The following BAHCC1 variants were observed in gnomAD, a reference collection of about 807,000 sequenced individuals.
BAHCC1 encodes the protein BAH domain and coiled-coil containing 1.
In BAHCC1, 43 loss-of-function variants were observed where a neutral mutation model predicts 88.2. The observed-to-expected ratio is 0.49, with a 90% CI of 0.38 to 0.63. The LOEUF is 0.63. Among genes scored for constraint, BAHCC1 ranks in the 20% least tolerant of loss-of-function variants. BAHCC1 has a pLI of 0.00. For missense variants in BAHCC1, 3,023 were observed against 1,654.8 expected, an observed-to-expected ratio of 1.83 and a Z score of -14.34; for synonymous variants, 1,510 against 745.5, an observed-to-expected ratio of 2.03 and a Z score of -16.71.
At position 81,400,268 on chromosome 17, in the gene BAHCC1, A is replaced by G. The variant is rs528132111; in HGVS notation, c.178+351A>G. 7.1e-4 allele frequency among the ~76,000 whole-genome samples: 108 copies of G among 152,090 alleles called. 1 individual carries two copies. Among genetic ancestry groups the G allele is most frequent in the African/African-American group, 2.6e-3 (106 of 41,482 alleles). ...TGCATTCTGCATTCACCTCCCTAAG[A>G]CGTTCCGGGGCTGGGACAACGAGGC... On this transcript the variant is annotated intron_variant, in intron 2 of 27. Coordinates refer to ENST00000675386, the MANE Select transcript of BAHCC1 (RefSeq NM_001377448.1).
Position 81,459,476 on chromosome 17 carries a change from C to T in BAHCC1, c.5797-20C>T, listed in dbSNP as rs373541806. On this transcript the variant is annotated intron_variant, in intron 22 of 27. Transcript: ENST00000675386. ...GGCCAGGCCCCACCTGCTCATGGGT[C>T]GTCGCCCGCGTTCCTGCAGGTTCTC... The T allele has an allele frequency of 8.0e-5, 62 of 778,460 alleles. No homozygotes were observed. The highest frequency in any genetic ancestry group is 1.9e-4 in the East Asian group (8 of 41,220). The allele number at this position is 778,460 out of a possible 1,614,324, so 48.2% of individuals were successfully genotyped here. A position where few individuals can be genotyped will look rare whatever the true frequency, so the allele number is the denominator to read the frequency against.
Position 81,458,694 on chromosome 17 carries a change from T to C in BAHCC1, c.5417T>C (p.Leu1806Pro), listed in dbSNP as rs1265098539. 1 of 727,790 alleles carries C rather than the reference T, an allele frequency of 1.4e-6. No homozygotes were observed. The highest frequency in any genetic ancestry group is 1.7e-5 in the African/African-American group (1 of 57,784). The allele number at this position is 727,790 out of a possible 1,614,324, so 45.1% of individuals were successfully genotyped here. ...GCCATCCTGGGGAAGGGCCGGAAGCTGAGCAAGGTGAAGCACAAGGCCGGC... is the reference window on the plus strand; with the variant it reads ...GCCATCCTGGGGAAGGGCCGGAAGCCGAGCAAGGTGAAGCACAAGGCCGGC... ...AKAILGKGRK[L>P]SKVKHKAGKQ... The change falls in exon 19 of 28, where the codon CTG (leucine) becomes CCG (proline). Residue 1806 changes from leucine (L) to proline (P), a missense_variant. Physicochemically the swap from Leu to Pro is moderately conservative, Grantham distance 98. Coordinates refer to ENST00000675386, the MANE Select transcript of BAHCC1 (RefSeq NM_001377448.1).
At chr17:81,409,233 C>T (rs950494467) in intron 2 of BAHCC1, among the ~76,000 whole-genome samples, 3 of 152,184 alleles carry the variant, frequency 2.0e-5, no homozygotes, top group Non-Finnish European at 2.9e-5. Context: ...GTTGTCATGG[C>T]GGCTCCTGAG....
intron 26 of BAHCC1, among the ~76,000 whole-genome samples, chr17:81,462,370 C>T (rs1012815450): frequency 5.3e-5 from 8 of 152,226 alleles, no homozygotes; most frequent in African/African-American, 9.6e-5. Context: ...TGTGTATCCC[C>T]GCACTCAGAT....
rs868950054 is a variant in BAHCC1 at position 81,465,802 on chromosome 17, A to T, written c.*1985A>T. The stretch of plus-strand genomic sequence containing the variant: ...GTTGTGGTCGGGGGTCCCCGCCTCC[A>T]GCCCCCCGCTCCCACCCCCGAGCCT... On this transcript the variant is annotated 3_prime_UTR_variant, in exon 28 of 28. Transcript: ENST00000675386. 3 of 149,602 alleles carry T rather than the reference A, an allele frequency of 2.0e-5. No individual in the cohort carries two copies. In the South Asian group the frequency reaches 6.8e-4, roughly 34 times the overall value. The allele number at this position is 149,602 out of a possible 1,614,324, so 9.3% of individuals were successfully genotyped here.
intron 2 of BAHCC1, among the ~76,000 whole-genome samples, chr17:81,408,937 G>A (rs1169907158): frequency 6.6e-6 from 1 of 152,222 alleles, no homozygotes; most frequent in Non-Finnish European, 1.5e-5. Context: ...CAGTGCATAA[G>A]TGCCCATCCA....
rs1416204223 is a variant in BAHCC1, at chr17:81,438,401, G to T, written c.390G>T (p.Leu130=). ...APGYPRFSGS[L]ASTFLPVSHL... is the part of the protein sequence containing the mutation. ...GGTACCCCAGATTTTCGGGGAGTCT[G>T]GCATCCACCTTCCTACCCGTGAGCC... The change falls in exon 4 of 28, where the codon CTG becomes CTT. Residue 130 remains leucine, a synonymous_variant. Coordinates refer to ENST00000675386, the MANE Select transcript of BAHCC1 (RefSeq NM_001377448.1). 1.3e-6 allele frequency: 1 copy of T among 778,694 alleles called. No homozygotes were observed. The highest frequency in any genetic ancestry group is 2.4e-6 in the Non-Finnish European group (1 of 417,604). 48.2% of individuals were successfully genotyped at this position (778,694 alleles called of 1,614,324 possible).
At chr17:81,427,422 C>G (rs1237816759) in intron 3 of BAHCC1, among the ~76,000 whole-genome samples, 1 of 152,182 alleles carries the variant, frequency 6.6e-6, no homozygotes, top group African/African-American at 2.4e-5. Flanking sequence ...GGCTGCCACC[C>G]AGGGGCCTGT....
At chr17:81,425,416 GGT>G (rs2064172914) in intron 2 of BAHCC1, among the ~76,000 whole-genome samples, 1 of 111,084 alleles carries the variant, frequency 9.0e-6, no homozygotes, top group African/African-American at 4.3e-5. Flanking sequence ...TGATGTGGTT[GGT>G]GGGTGATGTG....
chr17:81,424,473 C>G (rs1555649995), intron 2 of BAHCC1, among the ~76,000 whole-genome samples: 2 of 152,202 alleles, frequency 1.3e-5, no homozygotes, highest in African/African-American at 2.4e-5. Flanking sequence ...GGCACAGTAC[C>G]CAGCACCCAC....
At chr17:81,437,971 G>A (rs1555651968) in intron 3 of BAHCC1, among the ~76,000 whole-genome samples, 2 of 152,226 alleles carry the variant, frequency 1.3e-5, no homozygotes, top group East Asian at 3.9e-4. Context: ...GGGAGGCCAA[G>A]TCCGGGCCTG....
chr17:81,445,446 G>T lies in BAHCC1; in HGVS notation c.2928G>T (p.Thr976=), dbSNP rs782782665. The T allele has an allele frequency of 7.8e-6, 6 of 766,568 alleles. No homozygotes were observed. Among genetic ancestry groups the T allele is most frequent in the South Asian group, 6.9e-5 (5 of 72,224 alleles). The allele number at this position is 766,568 out of a possible 1,614,324, so 47.5% of individuals were successfully genotyped here. ...STHKPVALTP[T]APGAPSPAAG... ...ACAAGCCAGTTGCCTTAACCCCCAC[G>T]GCCCCGGGCGCCCCCTCACCCGCTG... Residue 976 remains threonine, a synonymous_variant, in exon 10 of 28, where the codon ACG becomes ACT. Coordinates refer to ENST00000675386, the MANE Select transcript of BAHCC1 (RefSeq NM_001377448.1).
chr17:81,401,258 A>G (rs1555646003), intron 2 of BAHCC1: 1 of 152,626 alleles, frequency 6.6e-6, no homozygotes, highest in Non-Finnish European at 1.5e-5. Flanking sequence ...GCGCCAGGAG[A>G]TTGGAATGGG....
chr17:81,426,661 G>C (rs2064203780), intron 2 of BAHCC1, 139 bp from the exon 3 acceptor site: 1 of 397,886 alleles, frequency 2.5e-6, no homozygotes, highest in Admixed American at 4.4e-5. Context: ...CGGTTTCTTG[G>C]ATATTGAAAG....
intron 13 of BAHCC1, 115 bp downstream of exon 13, chr17:81,452,222 C>T (rs976151932): frequency 2.0e-6 from 1 of 506,942 alleles, no homozygotes; most frequent in Admixed American, 3.9e-5. Flanking sequence ...CTGCCCCCTA[C>T]CTGTGGGCAG....
intron 2 of BAHCC1, among the ~76,000 whole-genome samples, chr17:81,408,939 G>A (rs944808500): frequency 6.6e-6 from 1 of 152,212 alleles, no homozygotes; most frequent in Admixed American, 6.5e-5. Context: ...GTGCATAAGT[G>A]CCCATCCACG....
Position 81,411,510 on chromosome 17 carries a change from GCCTGCCTTCCTTCCTTCCTTCCTT to G in BAHCC1, c.178+11597_178+11620del, listed in dbSNP as rs1384997085. On this transcript the variant is annotated intron_variant, in intron 2 of 27. Transcript: ENST00000675386. The surrounding 1 kb of genome is among the most constrained non-coding windows in gnomAD (Gnocchi z 6.2). ...TGCCTGCCTGCCTGCCTGCCTGCCT[GCCTGCCTTCCTTCCTTCCTTCCTT>G]CCTTCCTTCCTTCCTTCCTTCCTTC... 65 of 241,092 alleles carry G rather than the reference GCCTGCCTTCCTTCCTTCCTTCCTT, an allele frequency of 2.7e-4. No individual in the cohort carries two copies. Among genetic ancestry groups the G allele is most frequent in the African/African-American group, 2.1e-3 (54 of 25,218 alleles). 14.9% of individuals were successfully genotyped at this position (241,092 alleles called of 1,614,324 possible). A position where few individuals can be genotyped will look rare whatever the true frequency, so the allele number is the denominator to read the frequency against.
intron 10 of BAHCC1, among the ~76,000 whole-genome samples, 181 bp downstream of exon 10, chr17:81,445,862 G>A (rs2064517554): frequency 6.6e-6 from 1 of 152,190 alleles, no homozygotes; most frequent in African/African-American, 2.4e-5. Context: ...AATGACCTTG[G>A]GAGAAGCACA....
Position 81,447,273 on chromosome 17 carries a change from C to A in BAHCC1, c.3401C>A (p.Pro1134His), listed in dbSNP as rs782337561. The A allele has an allele frequency of 2.8e-6, 2 of 714,162 alleles. No individual in the cohort carries two copies. The highest frequency in any genetic ancestry group is 2.5e-5 in the East Asian group (1 of 39,860). 44.2% of individuals were successfully genotyped at this position (714,162 alleles called of 1,614,324 possible). Residue 1134 changes from proline to histidine, a missense_variant, in exon 11 of 28, where the codon CCC (proline) becomes CAC (histidine). Pro to His is a moderately conservative substitution (Grantham distance 77, BLOSUM62 -2). Transcript: ENST00000675386. ...REATQDLAAT[P>H]YPTERGPQGK... ...GCCACCCAGGACCTTGCCGCCACCC[C>A]CTACCCTACCGAGCGGGGACCCCAG...
Sources: gnomAD v4.1 joint callset for allele counts (sites outside exome capture counted in the v4.1 genomes callset) on GRCh38, gnomAD v4.1.1 for gene constraint, Gnocchi (gnomAD v3.1) non-coding constraint, MANE v1.5 for transcripts, NCBI Gene and HGNC (gene_info 2026-07-23, HGNC 2026-07-21) for gene names.